The following CELF5 variants were observed in gnomAD, a reference collection of about 807,000 sequenced individuals.
The protein encoded by CELF5 is CUG-BP and ETR-3 like factor 5.
A neutral mutation model predicts 54.9 loss-of-function variants in CELF5; 6 were observed. The observed-to-expected ratio is 0.11, with a 90% confidence interval of 0.06 to 0.22. CELF5 has a LOEUF of 0.22. CELF5 is among the 10% of genes least tolerant of loss of function. CELF5 has a pLI of 1.00. For synonymous variants in CELF5, 271 were observed against 290.9 expected, an observed-to-expected ratio of 0.93 and a Z score of 0.70; for missense variants, 401 against 678.6, an observed-to-expected ratio of 0.59 and a Z score of 4.54.
chr19:3,274,115 G>C (rs941860099), intron 3 of CELF5, among the ~76,000 whole-genome samples, 192 bp downstream of exon 3: 1 of 152,220 alleles, frequency 6.6e-6, no homozygotes, highest in Non-Finnish European at 1.5e-5. Context: ...GGAGAAGCAG[G>C]TTCCAGAGAG....
rs186713965 is a variant in CELF5 at position 3,260,865 on chromosome 19, G to A, written c.342+9798G>A. Among the ~76,000 whole-genome samples the A allele has an allele frequency of 2.6e-5, 4 of 151,612 alleles. No homozygotes were observed. In the East Asian group the frequency reaches 5.9e-4, roughly 22 times the overall value. On this transcript the variant is annotated intron_variant, in intron 2 of 12. Coordinates refer to ENST00000292672, the MANE Select transcript of CELF5 (RefSeq NM_021938.4). ...TCTCGATCTCCTGACCTCGTGATCTGCCCGCCTCGGCCTCCCAAAGTGCTG... is the reference window on the plus strand; with the variant it reads ...TCTCGATCTCCTGACCTCGTGATCTACCCGCCTCGGCCTCCCAAAGTGCTG...
chr19:3,284,623 C>A (rs1374143097), intron 8 of CELF5: 2 of 480,744 alleles, frequency 4.2e-6, no homozygotes, highest in Non-Finnish European at 3.8e-6. Context: ...GGGAGGCAAC[C>A]GGGTCGGGAT....
At chr19:3,276,916 T>G (rs948582442) in intron 4 of CELF5, among the ~76,000 whole-genome samples, 1 of 152,030 alleles carries the variant, frequency 6.6e-6, no homozygotes, top group East Asian at 1.9e-4. Context: ...CAGAGTTACC[T>G]GTGCCCTGTG....
intron 2 of CELF5, among the ~76,000 whole-genome samples, chr19:3,264,477 G>T (rs1353349665): frequency 1.3e-5 from 2 of 150,870 alleles, no homozygotes; most frequent in Non-Finnish European, 2.9e-5. Context: ...GTGCAGTAGC[G>T]CAATCTCGGC....
At chr19:3,289,500 G>A (rs1226945124) in intron 10 of CELF5, among the ~76,000 whole-genome samples, 2 of 151,870 alleles carry the variant, frequency 1.3e-5, no homozygotes, top group African/African-American at 4.8e-5. Context: ...TGGCCAACAT[G>A]GTGAAACCCC....
intron 1 of CELF5, chr19:3,225,480 C>CCCAA: frequency 3.0e-6 from 2 of 670,804 alleles, no homozygotes; most frequent in Non-Finnish European, 3.6e-6. Context: ...CCCCCACCCC[C>CCCAA]ATTCATTCAG....
Position 3,290,220 on chromosome 19 carries a change from C to G in CELF5, c.1187-11C>G, listed in dbSNP as rs1489625807. On this transcript the variant is annotated splice_polypyrimidine_tract_variant and intron_variant, in intron 10 of 12. Transcript: ENST00000292672. ...TTGGGGGCTTTATGTCTTTCTCTCCCCCACCTGCAGGTCCCGAGGGCTGTA... is the reference window on the plus strand; with the variant it reads ...TTGGGGGCTTTATGTCTTTCTCTCCGCCACCTGCAGGTCCCGAGGGCTGTA... 6.2e-7 allele frequency: 1 copy of G among 1,612,876 alleles called. No individual in the cohort carries two copies. The highest frequency in any genetic ancestry group is 1.7e-5 in the Admixed American group (1 of 59,982).
intron 8 of CELF5, 115 bp from the exon 9 acceptor site, chr19:3,284,787 A>G: frequency 1.1e-6 from 1 of 897,800 alleles, no homozygotes; most frequent in East Asian, 2.6e-5. Context: ...AGGGTTTAGC[A>G]CAGAGGAGAA....
At chr19:3,227,925 C>T (rs1427364900) in intron 1 of CELF5, among the ~76,000 whole-genome samples, 1 of 152,100 alleles carries the variant, frequency 6.6e-6, no homozygotes, top group Non-Finnish European at 1.5e-5. Context: ...CCCGTGACAC[C>T]TGACAGCCAC....
chr19:3,240,009 CTTTT>C (rs61659054), intron 1 of CELF5, among the ~76,000 whole-genome samples: 2 of 143,602 alleles, frequency 1.4e-5, no homozygotes, highest in Admixed American at 7.0e-5. Context: ...CTGCAACACA[CTTTT>C]TTTTTTTTTT....
chr19:3,232,206 A>G (rs1917301658), intron 1 of CELF5, among the ~76,000 whole-genome samples: 1 of 152,124 alleles, frequency 6.6e-6, no homozygotes, highest in African/African-American at 2.4e-5. Flanking sequence ...TACTTTGTAA[A>G]AGAGAAGTAA....
intron 2 of CELF5, among the ~76,000 whole-genome samples, chr19:3,270,313 G>A (rs1186640868): frequency 1.3e-5 from 2 of 152,320 alleles, no homozygotes; most frequent in Admixed American, 6.5e-5. Flanking sequence ...GGAAGGGTCA[G>A]GGAAGGGACG....
chr19:3,229,091 T>TC (rs988851921), intron 1 of CELF5, among the ~76,000 whole-genome samples: 2 of 67,796 alleles, frequency 3.0e-5, no homozygotes, highest in Non-Finnish European at 5.9e-5. Flanking sequence ...TGCACCTCCC[T>TC]CCCCCCGCCC....
Position 3,281,427 on chromosome 19 carries a change from C to T in CELF5, c.750+82C>T. 6.9e-7 allele frequency: 1 copy of T among 1,453,944 alleles called. No homozygotes were observed. Among genetic ancestry groups the T allele is most frequent in the Non-Finnish European group, 9.4e-7 (1 of 1,069,132 alleles). The allele number at this position is 1,453,944 out of a possible 1,614,324, so 90.1% of individuals were successfully genotyped here. A position where few individuals can be genotyped will look rare whatever the true frequency, so the allele number is the denominator to read the frequency against. On this transcript the variant is annotated intron_variant, in intron 6 of 12. Transcript: ENST00000292672. This position sits in a 1 kb window ranked among gnomAD's most constrained non-coding sequence, Gnocchi z 6.5. ...TACTCTCTGTCGGGCTCCTGCCTCT[C>T]CCTCCATCTCCCTGACTCAGGGTCC...
chr19:3,275,309 T>TCACTC lies in CELF5; in HGVS notation c.395-538_395-534dup, dbSNP rs2080029348. On this transcript the variant is annotated intron_variant, in intron 3 of 12. Transcript: ENST00000292672. The surrounding 1 kb of genome is among the most constrained non-coding windows in gnomAD (Gnocchi z 6.7). Reference sequence around the variant, plus strand: ...CCTGGTCCACTGAGCACGTGAACCCTCACTCCACTCCACAGATGGTGACTG... The same window carrying TCACTC: ...CCTGGTCCACTGAGCACGTGAACCCTCACTCCACTCCACTCCACAGATGGTGACTG... 2.0e-5 allele frequency among the ~76,000 whole-genome samples: 3 copies of TCACTC among 152,128 alleles called. No individual in the cohort carries two copies. The highest frequency in any genetic ancestry group is 6.5e-5 in the Admixed American group (1 of 15,280).
chr19:3,238,901 T>G (rs1365506616), intron 1 of CELF5, among the ~76,000 whole-genome samples: 1 of 152,120 alleles, frequency 6.6e-6, no homozygotes, highest in Non-Finnish European at 1.5e-5. Flanking sequence ...CACTCTAGCC[T>G]GGGCAACAAA....
intron 1 of CELF5, among the ~76,000 whole-genome samples, chr19:3,226,459 C>CACACAT (rs1555715649): frequency 6.6e-6 from 1 of 151,648 alleles, no homozygotes; most frequent in Non-Finnish European, 1.5e-5. Context: ...CACACACACA[C>CACACAT]ACACACACAC....
intron 1 of CELF5, 116 bp downstream of exon 1, chr19:3,225,114 C>T (rs1916816189): frequency 1.5e-6 from 1 of 679,020 alleles, no homozygotes; most frequent in East Asian, 3.5e-5. Context: ...CTCTGCCTGC[C>T]TCTGCCGGAG....
At chr19:3,290,452 C>A in intron 11 of CELF5, 78 bp downstream of exon 11, 2 of 1,530,604 alleles carry the variant, frequency 1.3e-6, no homozygotes, top group South Asian at 2.3e-5. Context: ...GGGTTTTGGT[C>A]GGCCTCGGGA....
Sources: gnomAD v4.1 joint callset for allele counts (sites outside exome capture counted in the v4.1 genomes callset) on GRCh38, gnomAD v4.1.1 for gene constraint, Gnocchi (gnomAD v3.1) non-coding constraint, MANE v1.5 for transcripts, NCBI Gene and HGNC (gene_info 2026-07-23, HGNC 2026-07-21) for gene names.